SAGE1: variants seen among roughly 807,000 people sequenced by gnomAD.
SAGE1 encodes cancer/testis antigen 14.
A neutral mutation model predicts 55.4 loss-of-function variants in SAGE1; 55 were observed. The ratio of observed to expected loss-of-function variants is 0.99; its 90% CI spans 0.80 to 1.24. The LOEUF (loss-of-function observed/expected upper bound fraction) is 1.24, where lower values mean the gene tolerates loss of function less well. Among genes scored for constraint, SAGE1 ranks in the 50% most tolerant of loss-of-function variants. SAGE1 has a pLI of 0.00. For synonymous variants in SAGE1, 240 were observed against 244.3 expected, an observed-to-expected ratio of 0.98 and a Z score of 0.17; for missense variants, 710 against 704.4, an observed-to-expected ratio of 1.01 and a Z score of -0.09.
chrX:135,910,666 G>A (rs1164637974), intron 16 of SAGE1, 111 bp downstream of exon 16: 7 of 713,404 alleles, frequency 9.8e-6, no homozygotes, highest in Non-Finnish European at 1.3e-5. Context: ...CTCAGTTTGA[G>A]GGGTATCATA....
At chrX:135,910,217 A>G in intron 15 of SAGE1, 47 bp downstream of exon 15, 1 of 1,134,958 alleles carries the variant, frequency 8.8e-7, no homozygotes, top group South Asian at 1.9e-5. Flanking sequence ...TTCCATATGC[A>G]TGCATAGTGT....
At chrX:135,896,685 A>G (rs2148073189) in intron 2 of SAGE1, among the ~76,000 whole-genome samples, 1 of 108,252 alleles carries the variant, frequency 9.2e-6, no homozygotes, top group East Asian at 2.9e-4. Flanking sequence ...TAGCCTTCTG[A>G]GTAGCTGGGA....
chrX:135,898,113 G>T (rs192354089), intron 2 of SAGE1, among the ~76,000 whole-genome samples: 1 of 111,585 alleles, frequency 9.0e-6, no homozygotes, highest in Non-Finnish European at 1.9e-5. Context: ...CGCCTCCCGG[G>T]CTCATGCCAT....
chrX:135,906,829 G>T, intron 7 of SAGE1, 97 bp from the exon 8 acceptor site: 1 of 1,028,196 alleles, frequency 9.7e-7, no homozygotes, highest in Non-Finnish European at 1.3e-6. Context: ...TCCTGTTTAT[G>T]AGATAATTTC....
At chrX:135,908,798 G>A (rs1405685622) in intron 12 of SAGE1, 66 bp from the exon 13 acceptor site, 62 of 1,139,749 alleles carry the variant, frequency 5.4e-5, no homozygotes, top group Non-Finnish European at 7.4e-5. Flanking sequence ...ATCATCAGTG[G>A]GATATATCGG....
In SAGE1 at chrX:135,907,910, G is replaced by A. The variant is rs2088825253; in HGVS notation, c.1159+69G>A. On this transcript the variant is annotated intron_variant, in intron 10 of 19. Coordinates refer to ENST00000370709, the MANE Select transcript of SAGE1 (RefSeq NM_001381902.1). ...TGCATGCATATTGTCATCAAGGGAAGAAGACGGTATTGTTGTATTATGTTT... is the reference window on the plus strand; with the variant it reads ...TGCATGCATATTGTCATCAAGGGAAAAAGACGGTATTGTTGTATTATGTTT... The A allele has an allele frequency of 2.7e-6, 3 of 1,116,574 alleles. No individual in the cohort carries two copies. The Admixed American group carries it at 6.8e-5, about 25-fold the overall frequency. 92.0% of individuals were successfully genotyped at this position (1,116,574 alleles called of 1,213,427 possible).
At position 135,911,932 on chromosome X, in the gene SAGE1, G is replaced by A. The variant is rs782516892; in HGVS notation, c.2500G>A (p.Glu834Lys). 8.3e-7 allele frequency: 1 copy of A among 1,208,958 alleles called. No individual in the cohort carries two copies. ...NDDIKYQLMK[E>K]VRRFGQNYER... is the part of the protein sequence containing the mutation. Reference sequence around the variant, plus strand: ...TGATATAAAATATCAATTAATGAAAGAAGTTCGAAGGTTTGGGCAAAGTAA... The same window carrying A: ...TGATATAAAATATCAATTAATGAAAAAAGTTCGAAGGTTTGGGCAAAGTAA... Residue 834 changes from glutamate (E) to lysine (K), a missense_variant, in exon 18 of 20, where the codon GAA becomes AAA. Transcript: ENST00000370709.
intron 5 of SAGE1, 45 bp downstream of exon 5, chrX:135,905,437 G>T (rs1556600122): frequency 9.0e-7 from 1 of 1,114,002 alleles, no homozygotes; most frequent in Admixed American, 2.3e-5. Context: ...TTTTCCATAA[G>T]CATGGATATT....
At position 135,912,385 on chromosome X, in the gene SAGE1, T is replaced by C. The variant is rs138213839; in HGVS notation, c.2586T>C (p.Phe862=). ...VQGSMKVKRQ[F]VEFTIKEAAR... is the part of the protein sequence containing the mutation. ...GATCTATGAAAGTCAAGAGACAATTTGTTGAATTTACCATCAAGGAAGCAG... is the reference window on the plus strand; with the variant it reads ...GATCTATGAAAGTCAAGAGACAATTCGTTGAATTTACCATCAAGGAAGCAG... The change falls in exon 19 of 20, where the codon TTT becomes TTC. Residue 862 remains phenylalanine (F), a synonymous_variant. Coordinates refer to ENST00000370709, the MANE Select transcript of SAGE1 (RefSeq NM_001381902.1). 1.4e-5 allele frequency: 17 copies of C among 1,205,175 alleles called. No homozygotes were observed. The African/African-American group carries it at 2.6e-4, about 19-fold the overall frequency.
chrX:135,910,609 T>C, intron 16 of SAGE1, 54 bp downstream of exon 16: 4 of 1,080,977 alleles, frequency 3.7e-6, no homozygotes, highest in Non-Finnish European at 5.1e-6. Context: ...AGCAGGCATA[T>C]TTTCATGAAT....
rs782131306 is a variant in SAGE1 at position 135,912,852 on chromosome X, T to C, written c.2670T>C (p.Asp890=). The change falls in exon 20 of 20, where the codon GAT becomes GAC. Residue 890 remains aspartate, a synonymous_variant. Coordinates refer to ENST00000370709, the MANE Select transcript of SAGE1 (RefSeq NM_001381902.1). ...TCGAGAAGGCGCTTAAAGAAATAGA[T>C]TCCCACTGCCATCTCAGAAAAGTTA... ...QQLEKALKEI[D]SHCHLRKVKH... 3 of 1,208,831 alleles carry C rather than the reference T, an allele frequency of 2.5e-6. No individual in the cohort carries two copies. The highest frequency in any genetic ancestry group is 3.4e-6 in the Non-Finnish European group (3 of 893,178).
In SAGE1 at chrX:135,898,778, G is replaced by A. The variant is rs781929591; in HGVS notation, c.87+2449G>A. On this transcript the variant is annotated intron_variant, in intron 2 of 19. Transcript: ENST00000370709. ...GCTTTTTTTCATATTTTTGTTGCCC[G>A]CGTGAATATCTTCTTTTGAGACGTG... Among the ~76,000 whole-genome samples, 13 of 111,742 alleles carry A rather than the reference G, an allele frequency of 1.2e-4. No individual in the cohort carries two copies. In the East Asian group the frequency reaches 1.7e-3, roughly 14 times the overall value.
intron 14 of SAGE1, 85 bp downstream of exon 14, chrX:135,909,864 G>A (rs2088864272): frequency 9.8e-7 from 1 of 1,021,273 alleles, no homozygotes; most frequent in Admixed American, 2.8e-5. Flanking sequence ...TGGTTTTGTT[G>A]TATTATCTTT....
intron 1 of SAGE1, among the ~76,000 whole-genome samples, chrX:135,895,069 A>G (rs1371394278): frequency 2.7e-5 from 3 of 111,457 alleles, no homozygotes; most frequent in African/African-American, 9.8e-5. Flanking sequence ...TTTGTGCTTT[A>G]TCTCTGGTAA....
intron 1 of SAGE1, among the ~76,000 whole-genome samples, chrX:135,894,339 T>C (rs2088550504): frequency 1.8e-5 from 2 of 113,212 alleles, no homozygotes; most frequent in South Asian, 7.1e-4. Context: ...CCCAAAGTGC[T>C]GGGATTACAG....
intron 15 of SAGE1, 116 bp from the exon 16 acceptor site, chrX:135,910,299 T>C (rs957023843): frequency 3.9e-6 from 4 of 1,033,781 alleles, no homozygotes; most frequent in Non-Finnish European, 5.3e-6. Flanking sequence ...GATTGCTACC[T>C]GGTATATCCT....
rs782322927 is a variant in SAGE1, at chrX:135,912,800, T to C, written c.2618T>C (p.Phe873Ser). 5 of 1,207,385 alleles carry C rather than the reference T, an allele frequency of 4.1e-6. No homozygotes were observed. In the South Asian group the frequency reaches 8.9e-5, roughly 21 times the overall value. ...ATGGAATACCTCTTTAATTTCAGGT[T>C]TAAAAAAGTTGTCTTAATTCAGCAA... ...VEFTIKEAAR[F>S]KKVVLIQQLE... is the part of the protein sequence containing the mutation. The change falls in exon 20 of 20, where the codon TTT becomes TCT. Residue 873 changes from phenylalanine to serine, a missense_variant and splice_region_variant. Transcript: ENST00000370709.
At position 135,909,660 on chromosome X, in the gene SAGE1, T is replaced by C; in HGVS notation, c.1604T>C (p.Val535Ala). The change falls in exon 14 of 20, where the codon GTC (valine) becomes GCC (alanine). Residue 535 changes from valine to alanine, a missense_variant. Coordinates refer to ENST00000370709, the MANE Select transcript of SAGE1 (RefSeq NM_001381902.1). Reference sequence around the variant, plus strand: ...CCAGATGCTACCGTCACTCAAAATGTCCATGAAGAGAGGATGGAAAATAAC... The same window carrying C: ...CCAGATGCTACCGTCACTCAAAATGCCCATGAAGAGAGGATGGAAAATAAC... ...KDLYATVTQNVHEERMENNQP... is the reference protein window; with the variant it reads ...KDLYATVTQNAHEERMENNQP... The C allele has an allele frequency of 8.3e-7, 1 of 1,203,900 alleles. No homozygotes were observed. The highest frequency in any genetic ancestry group is 1.1e-6 in the Non-Finnish European group (1 of 892,157).
chrX:135,911,446 G>C, intron 17 of SAGE1, 114 bp downstream of exon 17: 1 of 910,738 alleles, frequency 1.1e-6, no homozygotes, highest in South Asian at 2.3e-5. Context: ...AGTTTGAGGG[G>C]TCTTGGATCA....
Sources: gnomAD v4.1 joint callset for allele counts (sites outside exome capture counted in the v4.1 genomes callset) on GRCh38, gnomAD v4.1.1 for gene constraint, MANE v1.5 for transcripts, NCBI Gene and HGNC (gene_info 2026-07-23, HGNC 2026-07-21) for gene names.